The following NRG2 variants were observed in gnomAD, a reference collection of about 807,000 sequenced individuals.
NRG2 encodes pro-neuregulin-2, membrane-bound isoform.
In NRG2, 27 loss-of-function variants were observed where a neutral mutation model predicts 73.9. The observed-to-expected ratio is 0.37, with a 90% CI of 0.27 to 0.50. The LOEUF (loss-of-function observed/expected upper bound fraction) is 0.50. NRG2 is among the 20% of genes least tolerant of loss of function. The probability of loss-of-function intolerance (pLI) is 0.96; values close to 1 mark genes in which losing one functional copy is unlikely to be tolerated. For missense variants in NRG2, 1,126 were observed against 1,210.1 expected, an observed-to-expected ratio of 0.93 and a Z score of 1.03; for synonymous variants, 532 against 541.0, an observed-to-expected ratio of 0.98 and a Z score of 0.23.
intron 5 of NRG2, among the ~76,000 whole-genome samples, chr5:139,858,155 G>A (rs1043183087): frequency 8.5e-5 from 13 of 152,116 alleles, no homozygotes; most frequent in Non-Finnish European, 1.0e-4. Flanking sequence ...TGAGGCCCCC[G>A]GCTGCTTGGT....
chr5:140,004,405 C>T lies in NRG2; in HGVS notation c.700+37965G>A, dbSNP rs115781985. ...AAGAGAAAAAGGATCTGCACAGTCT[C>T]AAAGTATGTCCTCCAAGATATTTTT... On this transcript the variant is annotated intron_variant, in intron 1 of 9. Transcript: ENST00000361474. Among the ~76,000 whole-genome samples, 334 of 152,270 alleles carry T rather than the reference C, an allele frequency of 2.2e-3. 2 individuals are homozygous for T. The highest frequency in any genetic ancestry group is 7.7e-3 in the African/African-American group (322 of 41,556).
chr5:139,989,955 A>AT (rs533228079), intron 1 of NRG2, among the ~76,000 whole-genome samples: 8,237 of 150,474 alleles, frequency 0.055, 389 homozygotes, highest in Non-Finnish European at 0.081. Context: ...CGCCCAGCTA[A>AT]TTTTTTGTAT....
At chr5:139,925,260 C>A (rs1404945242) in intron 1 of NRG2, among the ~76,000 whole-genome samples, 1 of 152,194 alleles carries the variant, frequency 6.6e-6, no homozygotes, top group African/African-American at 2.4e-5. Flanking sequence ...ACTGAGGCTG[C>A]ACTGTACAGC....
intron 5 of NRG2, among the ~76,000 whole-genome samples, chr5:139,860,100 C>A (rs905355478): frequency 2.0e-5 from 3 of 152,116 alleles, no homozygotes; most frequent in African/African-American, 7.2e-5. Flanking sequence ...TTCCCTGACA[C>A]CCAGTCCCCA....
chr5:139,858,083 T>G (rs1761917430), intron 5 of NRG2, among the ~76,000 whole-genome samples: 3 of 152,216 alleles, frequency 2.0e-5, no homozygotes, highest in African/African-American at 7.2e-5. Context: ...CTCCCCTGTT[T>G]AGAAACTCAA....
chr5:140,015,580 G>A (rs551785356), intron 1 of NRG2, among the ~76,000 whole-genome samples: 21 of 152,162 alleles, frequency 1.4e-4, no homozygotes, highest in Non-Finnish European at 1.9e-4. Flanking sequence ...GGATCTGTGC[G>A]GTACCAGCAT....
At chr5:139,886,886 T>A (rs1225435596) in intron 2 of NRG2, among the ~76,000 whole-genome samples, 13 of 152,182 alleles carry the variant, frequency 8.5e-5, no homozygotes, top group Non-Finnish European at 1.9e-4. Context: ...CTTACCTAGC[T>A]CTCTGACAAC....
rs1230386530 is a variant in NRG2, at chr5:139,856,947, C to T, written c.1190-1169G>A. The stretch of plus-strand genomic sequence containing the variant: ...TAGGTCCCCATCTCTTGGCTCTGTG[C>T]CCACAGCCCTGGCTCCAGCTCTCAC... On this transcript the variant is annotated intron_variant, in intron 5 of 9. Coordinates refer to ENST00000361474, the MANE Select transcript of NRG2 (RefSeq NM_004883.3). This position sits in a 1 kb window ranked among gnomAD's most constrained non-coding sequence, Gnocchi z 4.2. Among the ~76,000 whole-genome samples, 3 of 152,188 alleles carry T rather than the reference C, an allele frequency of 2.0e-5. No homozygotes were observed. Among genetic ancestry groups the T allele is most frequent in the Non-Finnish European group, 2.9e-5 (2 of 68,022 alleles).
chr5:139,976,567 A>G (rs112885145), intron 1 of NRG2, among the ~76,000 whole-genome samples: 1 of 152,136 alleles, frequency 6.6e-6, no homozygotes, highest in African/African-American at 2.4e-5. Flanking sequence ...CTCCTCCCCA[A>G]TTTTCCCACT....
At chr5:139,909,268 C>T (rs1238003512) in intron 1 of NRG2, among the ~76,000 whole-genome samples, 1 of 152,188 alleles carries the variant, frequency 6.6e-6, no homozygotes, top group South Asian at 2.1e-4. Flanking sequence ...AAAGTTTAGA[C>T]TTGTTTGAGT....
intron 1 of NRG2, among the ~76,000 whole-genome samples, chr5:139,994,771 A>G (rs1362369996): frequency 6.6e-6 from 1 of 152,210 alleles, no homozygotes; most frequent in Admixed American, 6.5e-5. Context: ...AAGAGGAAGG[A>G]CTGAGCTGGC....
intron 1 of NRG2, among the ~76,000 whole-genome samples, chr5:139,918,566 T>C (rs1190887181): frequency 6.6e-6 from 1 of 152,132 alleles, no homozygotes; most frequent in African/African-American, 2.4e-5. Context: ...GTCCAAGATG[T>C]GGTTAGTAAA....
At chr5:139,903,007 T>C (rs538143970) in intron 1 of NRG2, among the ~76,000 whole-genome samples, 3 of 152,322 alleles carry the variant, frequency 2.0e-5, no homozygotes, top group African/African-American at 7.2e-5. Context: ...CTGCTGGAAA[T>C]AGTGTTTGAC....
chr5:139,916,302 TC>T (rs1751249149), intron 1 of NRG2, among the ~76,000 whole-genome samples: 1 of 152,158 alleles, frequency 6.6e-6, no homozygotes, highest in Non-Finnish European at 1.5e-5. Flanking sequence ...TCCCAGAGAA[TC>T]CAGTCCTCAC....
chr5:139,939,238 TCC>T (rs1403130335), intron 1 of NRG2, among the ~76,000 whole-genome samples: 79 of 142,952 alleles, frequency 5.5e-4, no homozygotes, highest in Non-Finnish European at 7.3e-4. Flanking sequence ...CTTCCTTCCT[TCC>T]TTCCTTTCTT....
Position 139,904,545 on chromosome 5 carries a change from T to G in NRG2, c.701-17034A>C. On this transcript the variant is annotated intron_variant, in intron 1 of 9. Transcript: ENST00000361474. The surrounding 1 kb of genome is among the most constrained non-coding windows in gnomAD (Gnocchi z 6.0). ...GGAGGGGAGCAGCGAGCCTTAACTC[T>G]TCCCCTCCCGCGCCCTCCACCCTCG... 54 of 471,648 alleles carry G rather than the reference T, an allele frequency of 1.1e-4. No homozygotes were observed. Among genetic ancestry groups the G allele is most frequent in the Non-Finnish European group, 1.3e-4 (35 of 267,170 alleles). The allele number at this position is 471,648 out of a possible 1,614,324, so 29.2% of individuals were successfully genotyped here.
intron 1 of NRG2, among the ~76,000 whole-genome samples, chr5:139,968,368 G>T (rs1241084695): frequency 6.6e-6 from 1 of 152,222 alleles, no homozygotes; most frequent in Non-Finnish European, 1.5e-5. Context: ...CCAGAACCCG[G>T]AGCCTCAAGG....
intron 1 of NRG2, among the ~76,000 whole-genome samples, chr5:140,001,253 T>C (rs1758446786): frequency 6.6e-6 from 1 of 152,222 alleles, no homozygotes; most frequent in African/African-American, 2.4e-5. Flanking sequence ...AAATCGTGTA[T>C]GGCATATTTG....
chr5:140,001,247 C>A (rs265153), intron 1 of NRG2, among the ~76,000 whole-genome samples: 33,644 of 152,042 alleles, frequency 0.22, 3,944 homozygotes, highest in Admixed American at 0.26. Flanking sequence ...AAGAAGAAAT[C>A]GTGTATGGCA....
Sources: allele counts gnomAD v4.1 joint callset (sites outside exome capture counted in the v4.1 genomes callset), GRCh38; gene constraint gnomAD v4.1.1; non-coding constraint Gnocchi (gnomAD v3.1); transcripts MANE v1.5; gene names NCBI Gene and HGNC (gene_info 2026-07-23, HGNC 2026-07-21).